The following KIFC1 variants were observed in gnomAD, a reference collection of about 807,000 sequenced individuals.
The protein encoded by KIFC1 is kinesin family member C1.
In KIFC1, 37 loss-of-function variants were observed where a neutral mutation model predicts 66.6. The ratio of observed to expected loss-of-function variants is 0.56; its 90% CI spans 0.43 to 0.73. The LOEUF (loss-of-function observed/expected upper bound fraction) is 0.73, where lower values mean the gene tolerates loss of function less well. KIFC1 is among the 30% of genes least tolerant of loss of function. The probability of loss-of-function intolerance (pLI) is 0.00; values close to 1 mark genes in which losing one functional copy is unlikely to be tolerated. For synonymous variants in KIFC1, 325 were observed against 343.5 expected, an observed-to-expected ratio of 0.95 and a Z score of 0.60; for missense variants, 721 against 859.8, an observed-to-expected ratio of 0.84 and a Z score of 2.02.
chr6:33,406,858 C>A lies in KIFC1; in HGVS notation c.1960C>A (p.Leu654Ile). Residue 654 changes from leucine (L) to isoleucine (I), a missense_variant, in exon 10 of 11, where the codon CTA (leucine) becomes ATA (isoleucine). Leu to Ile is a conservative substitution (Grantham distance 5). Coordinates refer to ENST00000428849, the MANE Select transcript of KIFC1 (RefSeq NM_002263.4). This position sits in a 1 kb window ranked among gnomAD's most constrained non-coding sequence, Gnocchi z 4.5. Reference protein sequence around the residue: ...EENVSESLNSLRFASKVNQCV... With the variant: ...EENVSESLNSIRFASKVNQCV... ...GAACGTCTCCGAGTCCCTCAACTCT[C>A]TACGCTTTGCCTCCAAGGTGCGATT... 6.2e-7 allele frequency: 1 copy of A among 1,614,130 alleles called. No individual in the cohort carries two copies. The highest frequency in any genetic ancestry group is 8.5e-7 in the Non-Finnish European group (1 of 1,180,022).
Position 33,405,564 on chromosome 6 carries a change from C to T in KIFC1, c.1469C>T (p.Ala490Val), listed in dbSNP as rs7770412. The T allele has an allele frequency of 7.4e-3, 11,731 of 1,586,394 alleles. 71 individuals are homozygous for T. Among genetic ancestry groups the T allele is most frequent in the Middle Eastern group, 0.018 (106 of 5,920 alleles). The change falls in exon 7 of 11, where the codon GCA (alanine) becomes GTA (valine). Residue 490 changes from alanine (A) to valine (V), a missense_variant. Coordinates refer to ENST00000428849, the MANE Select transcript of KIFC1 (RefSeq NM_002263.4). This position sits in a 1 kb window ranked among gnomAD's most constrained non-coding sequence, Gnocchi z 5.4. ...GQGGECEIRRAGPGSEELTVT... is the reference protein window; with the variant it reads ...GQGGECEIRRVGPGSEELTVT... ...GGGGGCGAGTGTGAGATTCGCCGTG[C>T]AGGGCCAGGGAGTGAGGAGCTCACT...
upstream of KIFC1, chr6:33,391,577 G>A: frequency 3.8e-6 from 1 of 260,372 alleles, no homozygotes; most frequent in Non-Finnish European, 7.5e-6. Flanking sequence ...GAGCGACGGC[G>A]GGGAGCCGAG....
chr6:33,397,429 C>G (rs987018402), intron 1 of KIFC1, among the ~76,000 whole-genome samples: 1 of 151,438 alleles, frequency 6.6e-6, no homozygotes, highest in African/African-American at 2.4e-5. Context: ...TCCCGAGTAG[C>G]TGGGATTGCA....
rs1301700291 is a variant in KIFC1, at chr6:33,404,494, ATTAAG to A, written c.757-354_757-350del. On this transcript the variant is annotated intron_variant, in intron 6 of 10. Coordinates refer to ENST00000428849, the MANE Select transcript of KIFC1 (RefSeq NM_002263.4). This position sits in a 1 kb window ranked among gnomAD's most constrained non-coding sequence, Gnocchi z 4.0. The stretch of plus-strand genomic sequence containing the variant: ...CTCCTTCCTGGTGAGCACCAACTAG[ATTAAG>A]TTATTTGCAGTCTCTTAAATGACTC... 1.3e-5 allele frequency among the ~76,000 whole-genome samples: 2 copies of A among 152,010 alleles called. No homozygotes were observed. Among genetic ancestry groups the A allele is most frequent in the African/African-American group, 2.4e-5 (1 of 41,352 alleles).
At position 33,403,481 on chromosome 6, in the gene KIFC1, G is replaced by A. The variant is rs1775480154; in HGVS notation, c.305-4G>A. The A allele has an allele frequency of 6.2e-7, 1 of 1,614,030 alleles. No homozygotes were observed. Among genetic ancestry groups the A allele is most frequent in the African/African-American group, 1.3e-5 (1 of 74,932 alleles). On this transcript the variant is annotated splice_region_variant and splice_polypyrimidine_tract_variant and intron_variant, in intron 4 of 10. Coordinates refer to ENST00000428849, the MANE Select transcript of KIFC1 (RefSeq NM_002263.4). The surrounding 1 kb of genome is among the most constrained non-coding windows in gnomAD (Gnocchi z 4.6). Reference sequence around the variant, plus strand: ...ATTCCTAAGTCACCTCCTCAATTCTGTAGGGTTGAAGAACCAGAAGCCAGT... The same window carrying A: ...ATTCCTAAGTCACCTCCTCAATTCTATAGGGTTGAAGAACCAGAAGCCAGT...
Position 33,405,449 on chromosome 6 carries a change from G to A in KIFC1, c.1354G>A (p.Gly452Ser), listed in dbSNP as rs770998169. Reference sequence around the variant, plus strand: ...TGTGGCTCAGGAGCTGAGTGGTCAGGGCTGGACCTACAGCTTTGTAGCAAG... The same window carrying A: ...TGTGGCTCAGGAGCTGAGTGGTCAGAGCTGGACCTACAGCTTTGTAGCAAG... Reference protein sequence around the residue: ...FSVAQELSGQGWTYSFVASYV... With the variant: ...FSVAQELSGQSWTYSFVASYV... The change falls in exon 7 of 11, where the codon GGC becomes AGC. Residue 452 changes from glycine (G) to serine (S), a missense_variant. Coordinates refer to ENST00000428849, the MANE Select transcript of KIFC1 (RefSeq NM_002263.4). The surrounding 1 kb of genome is among the most constrained non-coding windows in gnomAD (Gnocchi z 5.4). The A allele has an allele frequency of 1.2e-6, 2 of 1,608,972 alleles. No individual in the cohort carries two copies. Among genetic ancestry groups the A allele is most frequent in the East Asian group, 2.2e-5 (1 of 44,806 alleles).
chr6:33,391,875 C>T lies in KIFC1; in HGVS notation c.-111C>T. The T allele has an allele frequency of 7.4e-7, 1 of 1,349,134 alleles. No homozygotes were observed. The highest frequency in any genetic ancestry group is 1.0e-6 in the Non-Finnish European group (1 of 956,160). 83.6% of individuals were successfully genotyped at this position (1,349,134 alleles called of 1,614,324 possible). A position where few individuals can be genotyped will look rare whatever the true frequency, so the allele number is the denominator to read the frequency against. ...GGGGCTGGTAGCGGCCGGAGCCGTG[C>T]GAGTTCTCTACCCTGCTTCGCGAGC... is the stretch of plus-strand genomic sequence containing the variant. On this transcript the variant is annotated 5_prime_UTR_variant, in exon 1 of 11. Coordinates refer to ENST00000428849, the MANE Select transcript of KIFC1 (RefSeq NM_002263.4).
chr6:33,406,457 G>C lies in KIFC1; in HGVS notation c.1798G>C (p.Gly600Arg). 6.3e-7 allele frequency: 1 copy of C among 1,598,748 alleles called. No homozygotes were observed. Among genetic ancestry groups the C allele is most frequent in the Non-Finnish European group, 8.5e-7 (1 of 1,170,088 alleles). ...CATTAACAGCAGCCTGTCCACGCTGGGGCTGGTTATCATGGCCCTGAGCAA... is the reference window on the plus strand; with the variant it reads ...CATTAACAGCAGCCTGTCCACGCTGCGGCTGGTTATCATGGCCCTGAGCAA... Reference protein sequence around the residue: ...QAINSSLSTLGLVIMALSNKE... With the variant: ...QAINSSLSTLRLVIMALSNKE... Residue 600 changes from glycine to arginine, a missense_variant, in exon 8 of 11, where the codon GGG becomes CGG. Gly to Arg is a moderately radical substitution (Grantham distance 125). Transcript: ENST00000428849. The surrounding 1 kb of genome is among the most constrained non-coding windows in gnomAD (Gnocchi z 4.5).
Position 33,400,002 on chromosome 6 carries a change from CTT to C in KIFC1, c.250+1624_250+1625del. The C allele has an allele frequency of 5.4e-6, 3 of 554,730 alleles. No homozygotes were observed. The highest frequency in any genetic ancestry group is 9.7e-6 in the Non-Finnish European group (3 of 310,066). The allele number at this position is 554,730 out of a possible 1,614,324, so 34.4% of individuals were successfully genotyped here. On this transcript the variant is annotated intron_variant, in intron 3 of 10. Coordinates refer to ENST00000428849, the MANE Select transcript of KIFC1 (RefSeq NM_002263.4). This position sits in a 1 kb window ranked among gnomAD's most constrained non-coding sequence, Gnocchi z 4.3. ...ATGTAACATTTTAATCTTTTTTTAACTTTTTTTTTTCGACCAGTTGTCAAATG... is the reference window on the plus strand; with the variant it reads ...ATGTAACATTTTAATCTTTTTTTAACTTTTTTTTCGACCAGTTGTCAAATG...
chr6:33,409,172 A>G (rs1300965668), intron 10 of KIFC1, among the ~76,000 whole-genome samples: 1 of 152,168 alleles, frequency 6.6e-6, no homozygotes, highest in Non-Finnish European at 1.5e-5. Context: ...TCTCAACAAC[A>G]ACAACAAAAA....
chr6:33,393,236 G>A (rs1005210480), intron 1 of KIFC1, among the ~76,000 whole-genome samples: 6 of 152,106 alleles, frequency 3.9e-5, no homozygotes, highest in Admixed American at 3.3e-4. Flanking sequence ...AGTGTGGCTG[G>A]AATGAAGTGA....
In KIFC1 at chr6:33,409,705, C is replaced by CTGTGTGTGTGTGTGTGTGTGTGTGTGTG. The variant is rs3066474; in HGVS notation, c.*37_*64dup. 5.5e-6 allele frequency: 7 copies of CTGTGTGTGTGTGTGTGTGTGTGTGTGTG among 1,264,526 alleles called. No homozygotes were observed. The East Asian group carries it at 1.3e-4, about 23-fold the overall frequency. The allele number at this position is 1,264,526 out of a possible 1,614,324, so 78.3% of individuals were successfully genotyped here. ...ACAGGAAGTGAAGACGGATCCAGAT[C>CTGTGTGTGTGTGTGTGTGTGTGTGTGTG]TGTGTGTGTGTGTGTGTGTGTGTGT... On this transcript the variant is annotated 3_prime_UTR_variant, in exon 11 of 11. Coordinates refer to ENST00000428849, the MANE Select transcript of KIFC1 (RefSeq NM_002263.4).
At chr6:33,398,534 A>C in intron 3 of KIFC1, 147 bp downstream of exon 3, 2 of 658,380 alleles carry the variant, frequency 3.0e-6, no homozygotes, top group South Asian at 2.0e-5. Flanking sequence ...GCTCAATCTC[A>C]CTCACTGCAA....
Position 33,403,753 on chromosome 6 carries a change from G to A in KIFC1, c.380G>A (p.Gly127Glu). 1 of 1,613,600 alleles carries A rather than the reference G, an allele frequency of 6.2e-7. No homozygotes were observed. The highest frequency in any genetic ancestry group is 8.5e-7 in the Non-Finnish European group (1 of 1,179,666). Residue 127 changes from glycine to glutamate, a missense_variant, in exon 6 of 11, where the codon GGA becomes GAA. Physicochemically the swap from Gly to Glu is moderately conservative, Grantham distance 98. Transcript: ENST00000428849. This position sits in a 1 kb window ranked among gnomAD's most constrained non-coding sequence, Gnocchi z 4.6. Reference sequence around the variant, plus strand: ...GCATCAGGTGTTCCTCCCATGGCAGGAGGGAAGAAACCCAGCAAACGTCCA... The same window carrying A: ...GCATCAGGTGTTCCTCCCATGGCAGAAGGGAAGAAACCCAGCAAACGTCCA... ...SGTSGVPPMA[G>E]GKKPSKRPAW... is the part of the protein sequence containing the mutation.
chr6:33,409,705 CTGTGTGTGTGTG>C lies in KIFC1; in HGVS notation c.*53_*64del, dbSNP rs3066474. Reference sequence around the variant, plus strand: ...ACAGGAAGTGAAGACGGATCCAGATCTGTGTGTGTGTGTGTGTGTGTGTGTGTGTGTGTGTGT... The same window carrying C: ...ACAGGAAGTGAAGACGGATCCAGATCTGTGTGTGTGTGTGTGTGTGTGTGT... On this transcript the variant is annotated 3_prime_UTR_variant, in exon 11 of 11. Transcript: ENST00000428849. 0.05 allele frequency: 62,885 copies of C among 1,258,292 alleles called. 1,141 individuals are homozygous for C. Among genetic ancestry groups the C allele is most frequent in the Middle Eastern group, 0.1 (387 of 3,800 alleles). 77.9% of individuals were successfully genotyped at this position (1,258,292 alleles called of 1,614,324 possible).
chr6:33,406,301 G>A lies in KIFC1; in HGVS notation c.1642G>A (p.Gly548Arg). 1 of 1,614,212 alleles carries A rather than the reference G, an allele frequency of 6.2e-7. No homozygotes were observed. Residue 548 changes from glycine to arginine, a missense_variant, in exon 8 of 11, where the codon GGG becomes AGG. Coordinates refer to ENST00000428849, the MANE Select transcript of KIFC1 (RefSeq NM_002263.4). This position sits in a 1 kb window ranked among gnomAD's most constrained non-coding sequence, Gnocchi z 4.5. ...SHSVFQLQIS[G>R]EHSSRGLQCG... ...CAGTGTATTCCAGCTACAGATTTCTGGGGAGCACTCCAGCCGAGGCCTGCA... is the reference window on the plus strand; with the variant it reads ...CAGTGTATTCCAGCTACAGATTTCTAGGGAGCACTCCAGCCGAGGCCTGCA...
Position 33,403,663 on chromosome 6 carries a change from C to T in KIFC1, c.356-66C>T. On this transcript the variant is annotated intron_variant, in intron 5 of 10. Transcript: ENST00000428849. This position sits in a 1 kb window ranked among gnomAD's most constrained non-coding sequence, Gnocchi z 4.6. Reference sequence around the variant, plus strand: ...GCATCAGGTGTGGATCCCATAAAGGCTAGAAGGGAGGAGGGATAGAGAGCC... The same window carrying T: ...GCATCAGGTGTGGATCCCATAAAGGTTAGAAGGGAGGAGGGATAGAGAGCC... The T allele has an allele frequency of 6.3e-7, 1 of 1,591,196 alleles. No homozygotes were observed. The highest frequency in any genetic ancestry group is 8.6e-7 in the Non-Finnish European group (1 of 1,161,672).
At chr6:33,402,271 G>A (rs1417915859) in intron 3 of KIFC1, among the ~76,000 whole-genome samples, 1 of 152,128 alleles carries the variant, frequency 6.6e-6, no homozygotes, top group East Asian at 1.9e-4. Flanking sequence ...TGGCTATAAT[G>A]TCACTAGGCA....
chr6:33,405,670 G>A lies in KIFC1; in HGVS notation c.1536+39G>A. 6.8e-7 allele frequency: 1 copy of A among 1,469,032 alleles called. No homozygotes were observed. The highest frequency in any genetic ancestry group is 9.0e-7 in the Non-Finnish European group (1 of 1,112,906). The allele number at this position is 1,469,032 out of a possible 1,614,324, so 91.0% of individuals were successfully genotyped here. A position where few individuals can be genotyped will look rare whatever the true frequency, so the allele number is the denominator to read the frequency against. On this transcript the variant is annotated intron_variant, in intron 7 of 10. Transcript: ENST00000428849. The surrounding 1 kb of genome is among the most constrained non-coding windows in gnomAD (Gnocchi z 5.4). ...GGCACTGGAACTGGGAAATGGGGAG[G>A]AGTGGGCAGGGTGCCACGAGATGGA...
Sources: gnomAD v4.1 joint callset for allele counts (sites outside exome capture counted in the v4.1 genomes callset) on GRCh38, gnomAD v4.1.1 for gene constraint, Gnocchi (gnomAD v3.1) non-coding constraint, MANE v1.5 for transcripts, NCBI Gene and HGNC (gene_info 2026-07-23, HGNC 2026-07-21) for gene names.